Variants in PCDH15 observed in about 807,000 individuals in gnomAD.
The protein encoded by PCDH15 is protocadherin-15.
In PCDH15, 129 loss-of-function variants were observed where a neutral mutation model predicts 178.5. That is an observed-to-expected ratio of 0.72 (90% CI 0.63 to 0.84). The LOEUF (loss-of-function observed/expected upper bound fraction) is 0.84, where lower values mean the gene tolerates loss of function less well. PCDH15 is among the 40% of genes least tolerant of loss of function. PCDH15 has a pLI of 0.00. For missense variants in PCDH15, 2,230 were observed against 2,099.9 expected, an observed-to-expected ratio of 1.06 and a Z score of -1.21; for synonymous variants, 800 against 732.0, an observed-to-expected ratio of 1.09 and a Z score of -1.50.
At chr10:54,952,886 GT>G (rs1838382163) in intron 2 of PCDH15, among the ~76,000 whole-genome samples, 1 of 151,364 alleles carries the variant, frequency 6.6e-6, no homozygotes, top group East Asian at 1.9e-4. Context: ...TTTCAGAAGG[GT>G]TTTTTGTTGA....
chr10:55,482,210 T>G (rs955541974), intron 2 of PCDH15, among the ~76,000 whole-genome samples: 37 of 152,022 alleles, frequency 2.4e-4, no homozygotes, highest in African/African-American at 8.9e-4. Flanking sequence ...ATTTTGAGAC[T>G]TTTTGTGTCA....
Position 54,219,592 on chromosome 10 carries a change from C to CAAAA in PCDH15, c.986-5548_986-5545dup, listed in dbSNP as rs763785938. 3.7e-4 allele frequency among the ~76,000 whole-genome samples: 12 copies of CAAAA among 32,362 alleles called. No homozygotes were observed. The East Asian group carries it at 4.2e-3, about 11-fold the overall frequency. 21.2% of individuals were successfully genotyped at this position (32,362 alleles called of 152,430 possible). On this transcript the variant is annotated intron_variant, in intron 9 of 37. Coordinates refer to ENST00000644397, the MANE Select transcript of PCDH15 (RefSeq NM_001384140.1). ...TGGGTAACAGAACAAGACTCCATCTCAAAAAAAAAAAAAAAAAAAAAAAAG... is the reference window on the plus strand; with the variant it reads ...TGGGTAACAGAACAAGACTCCATCTCAAAAAAAAAAAAAAAAAAAAAAAAAAAAG...
chr10:54,548,088 G>A (rs1379811566), intron 2 of PCDH15, among the ~76,000 whole-genome samples: 3 of 139,602 alleles, frequency 2.1e-5, no homozygotes, highest in African/African-American at 7.9e-5. Flanking sequence ...GCGACAGAGC[G>A]AGACTCTGTC....
At chr10:54,330,097 A>G (rs1391121200) in intron 6 of PCDH15, among the ~76,000 whole-genome samples, 2 of 152,050 alleles carry the variant, frequency 1.3e-5, no homozygotes, top group South Asian at 2.1e-4. Flanking sequence ...TTATTTCTAC[A>G]TAGTATCAAT....
chr10:54,497,169 T>G (rs1259605624), intron 3 of PCDH15, among the ~76,000 whole-genome samples: 2 of 149,960 alleles, frequency 1.3e-5, no homozygotes, highest in Admixed American at 1.3e-4. Context: ...AGCCCAGGAG[T>G]GCTGAGCTTA....
rs766636473 is a variant in PCDH15 at position 53,840,489 on chromosome 10, C to G, written c.3814G>C (p.Asp1272His). The change falls in exon 29 of 38, where the codon GAT (aspartate) becomes CAT (histidine). Residue 1272 changes from aspartate (D) to histidine (H), a missense_variant. Asp to His is a moderately conservative substitution (Grantham distance 81, BLOSUM62 -1). Coordinates refer to ENST00000644397, the MANE Select transcript of PCDH15 (RefSeq NM_001384140.1). ...GGAATTTGTTCCTGAACATAGCGAT[C>G]CAAGATCCTATAAATCAAACAAAGT... is the stretch of plus-strand genomic sequence containing the variant. Reference protein sequence around the residue: ...KKIEDLTEILDRYVQEQIPGA... With the variant: ...KKIEDLTEILHRYVQEQIPGA... 1 of 1,613,672 alleles carries G rather than the reference C, an allele frequency of 6.2e-7. No homozygotes were observed. Among genetic ancestry groups the G allele is most frequent in the Admixed American group, 1.7e-5 (1 of 60,012 alleles).
At chr10:54,287,931 T>G (rs947857790) in intron 8 of PCDH15, among the ~76,000 whole-genome samples, 7 of 152,138 alleles carry the variant, frequency 4.6e-5, no homozygotes, top group African/African-American at 1.4e-4. Flanking sequence ...ATTAAAACAC[T>G]TATCCTAGAA....
chr10:54,098,190 TTGTGTGTGTGTGTGTG>T (rs35596789), intron 15 of PCDH15, among the ~76,000 whole-genome samples: 2,132 of 143,194 alleles, frequency 0.015, 20 homozygotes, highest in Middle Eastern at 0.025. Flanking sequence ...GAAAATAAAG[TTGTGTGTGTGTGTGTG>T]TGTGTGTGTG....
chr10:54,546,671 C>A (rs1378864962), intron 2 of PCDH15, among the ~76,000 whole-genome samples: 1 of 152,010 alleles, frequency 6.6e-6, no homozygotes, highest in Non-Finnish European at 1.5e-5. Context: ...GTAAGAAACA[C>A]TGTAATGTGA....
intron 1 of PCDH15, among the ~76,000 whole-genome samples, chr10:55,203,326 A>C (rs563309304): frequency 6.6e-6 from 1 of 152,074 alleles, no homozygotes; most frequent in African/African-American, 2.4e-5. Flanking sequence ...CTATTATTAT[A>C]ACAATATTAT....
intron 35 of PCDH15, among the ~76,000 whole-genome samples, chr10:53,814,809 C>A (rs1419735456): frequency 6.6e-6 from 1 of 151,820 alleles, no homozygotes; most frequent in Non-Finnish European, 1.5e-5. Context: ...ACTAAAAATA[C>A]AAAAATTAGC....
chr10:54,830,818 C>T (rs1383968598), intron 3 of PCDH15, among the ~76,000 whole-genome samples: 1 of 151,354 alleles, frequency 6.6e-6, no homozygotes, highest in Non-Finnish European at 1.5e-5. Flanking sequence ...CAAGACATGC[C>T]ATACATGTCA....
chr10:54,449,779 C>G (rs1002964431), intron 3 of PCDH15, among the ~76,000 whole-genome samples: 3 of 151,608 alleles, frequency 2.0e-5, no homozygotes. Flanking sequence ...TATGCAAATA[C>G]TAGGCCATTT....
intron 23 of PCDH15, among the ~76,000 whole-genome samples, chr10:53,956,224 G>T (rs986486842): frequency 6.6e-6 from 1 of 151,850 alleles, no homozygotes; most frequent in Non-Finnish European, 1.5e-5. Flanking sequence ...TATTTTTTTG[G>T]CCAGAAATCA....
intron 3 of PCDH15, among the ~76,000 whole-genome samples, chr10:54,873,991 CT>C (rs1410995790): frequency 2.1e-5 from 3 of 141,916 alleles, no homozygotes; most frequent in Non-Finnish European, 4.6e-5. Context: ...TATTATTATA[CT>C]TTAAGTTTTA....
intron 18 of PCDH15, among the ~76,000 whole-genome samples, chr10:54,048,707 G>A (rs752942318): frequency 6.6e-6 from 1 of 151,828 alleles, no homozygotes; most frequent in Non-Finnish European, 1.5e-5. Context: ...TTTAATTCTG[G>A]GGTCTCCATT....
Position 54,369,396 on chromosome 10 carries a change from T to A in PCDH15, c.319-121A>T. The A allele has an allele frequency of 3.3e-6, 3 of 898,376 alleles. No individual in the cohort carries two copies. In the Admixed American group the frequency reaches 6.6e-5, roughly 20 times the overall value. The allele number at this position is 898,376 out of a possible 1,614,324, so 55.7% of individuals were successfully genotyped here. A position where few individuals can be genotyped will look rare whatever the true frequency, so the allele number is the denominator to read the frequency against. On this transcript the variant is annotated intron_variant, in intron 4 of 37. Transcript: ENST00000644397. ...CTTGTTTATTTTTAAATTATAATAA[T>A]CTCAAAGAAAATGATCATTTTAAGG...
At chr10:54,741,250 A>C (rs1302112917) in intron 1 of PCDH15, among the ~76,000 whole-genome samples, 1 of 151,086 alleles carries the variant, frequency 6.6e-6, no homozygotes, top group African/African-American at 2.4e-5. Context: ...AGTATACAAA[A>C]ACTATATATT....
intron 2 of PCDH15, among the ~76,000 whole-genome samples, chr10:55,056,807 T>C (rs139872686): frequency 7.1e-4 from 108 of 151,762 alleles, no homozygotes; most frequent in African/African-American, 2.4e-3. Flanking sequence ...TAATTTTTTG[T>C]ATTTTAATAG....
Sources: allele counts gnomAD v4.1 joint callset (sites outside exome capture counted in the v4.1 genomes callset), GRCh38; gene constraint gnomAD v4.1.1; transcripts MANE v1.5; gene names NCBI Gene and HGNC (gene_info 2026-07-23, HGNC 2026-07-21).